Variants in EFR3A observed in about 807,000 individuals in gnomAD.
EFR3A encodes protein EFR3 homolog A.
In EFR3A, 76 loss-of-function variants were observed where a neutral mutation model predicts 104.4. The observed-to-expected ratio is 0.73, with a 90% CI of 0.60 to 0.88. EFR3A has a LOEUF of 0.88. EFR3A is among the 40% of genes least tolerant of loss of function. The pLI is 0.00. For synonymous variants in EFR3A, 330 were observed against 330.0 expected (o/e 1.00, Z 0.00); for missense variants, 985 against 1,012.5 (o/e 0.97, Z 0.37).
chr8:131,984,823 T>A, intron 15 of EFR3A, 106 bp from the exon 16 acceptor site: 1 of 1,086,448 alleles, frequency 9.2e-7, no homozygotes, highest in Non-Finnish European at 1.3e-6. Flanking sequence ...TAAAGTGGCA[T>A]TTTTGTTAGC....
chr8:131,911,029 A>G (rs566921418), intron 1 of EFR3A, among the ~76,000 whole-genome samples: 1 of 152,302 alleles, frequency 6.6e-6, no homozygotes, highest in East Asian at 1.9e-4. Context: ...TTTTTGCTAA[A>G]TTAACCCTTT....
intron 22 of EFR3A, among the ~76,000 whole-genome samples, chr8:132,010,245 T>TAC (rs753181910): frequency 1.7e-3 from 261 of 151,644 alleles, no homozygotes; most frequent in Non-Finnish European, 3.1e-3. Flanking sequence ...ACATTTTGAG[T>TAC]ACACTTTGAT....
At chr8:131,991,096 C>A (rs561950241) in intron 18 of EFR3A, among the ~76,000 whole-genome samples, 1 of 152,190 alleles carries the variant, frequency 6.6e-6, no homozygotes, top group African/African-American at 2.4e-5. Context: ...TGGGGAAGGT[C>A]TCACAATCAT....
At chr8:131,932,082 C>A (rs1332779033) in intron 1 of EFR3A, among the ~76,000 whole-genome samples, 1 of 152,022 alleles carries the variant, frequency 6.6e-6, no homozygotes, top group Non-Finnish European at 1.5e-5. Context: ...AAGTTGAGTT[C>A]TTGCCTTCAC....
chr8:131,990,728 T>C (rs1821135893), intron 18 of EFR3A, among the ~76,000 whole-genome samples: 1 of 152,008 alleles, frequency 6.6e-6, no homozygotes, highest in Non-Finnish European at 1.5e-5. Context: ...TTAGGAGAAA[T>C]GACAGTGGCC....
intron 4 of EFR3A, among the ~76,000 whole-genome samples, chr8:131,948,028 G>T (rs967923045): frequency 1.3e-5 from 2 of 151,984 alleles, no homozygotes; most frequent in Non-Finnish European, 2.9e-5. Flanking sequence ...TAGTTTCATT[G>T]TATCACCTTC....
chr8:131,949,862 T>A (rs1366204998), intron 4 of EFR3A, 107 bp from the exon 5 acceptor site: 5 of 1,028,672 alleles, frequency 4.9e-6, no homozygotes, highest in Non-Finnish European at 6.9e-6. Context: ...GTTTTGTTTG[T>A]TACTTATTTT....
intron 14 of EFR3A, among the ~76,000 whole-genome samples, chr8:131,980,446 C>G (rs1323054600): frequency 6.6e-6 from 1 of 152,054 alleles, no homozygotes; most frequent in Non-Finnish European, 1.5e-5. Flanking sequence ...ATTAATTCCT[C>G]TCAATTTTTA....
At chr8:131,941,882 T>G (rs1349042015) in intron 2 of EFR3A, among the ~76,000 whole-genome samples, 1 of 152,104 alleles carries the variant, frequency 6.6e-6, no homozygotes, top group Non-Finnish European at 1.5e-5. Flanking sequence ...GAGCAAGTTA[T>G]CCATCAGACT....
intron 1 of EFR3A, among the ~76,000 whole-genome samples, chr8:131,926,916 T>G (rs1817327807): frequency 6.6e-6 from 1 of 152,204 alleles, no homozygotes; most frequent in Non-Finnish European, 1.5e-5. Context: ...AATATTTTAG[T>G]CTAATATATT....
rs956759880 is a variant in EFR3A at position 131,919,544 on chromosome 8, T to C, written c.10+15222T>C. ...TCAGGAGGCGGAGCTTGCAGTGAGC[T>C]GAGATTGCGCCACTGCACTCCAGCC... On this transcript the variant is annotated intron_variant, in intron 1 of 22. Transcript: ENST00000254624. 2.2e-5 allele frequency among the ~76,000 whole-genome samples: 3 copies of C among 138,880 alleles called. No homozygotes were observed. The East Asian group carries it at 6.2e-4, about 29-fold the overall frequency. 91.1% of individuals were successfully genotyped at this position (138,880 alleles called of 152,430 possible).
chr8:131,970,290 T>C (rs896614104), intron 9 of EFR3A, among the ~76,000 whole-genome samples, 186 bp from the exon 10 acceptor site: 6 of 152,114 alleles, frequency 3.9e-5, no homozygotes, highest in African/African-American at 1.5e-4. Flanking sequence ...TTTGTTGTTA[T>C]AATGAGTGTC....
chr8:132,002,529 C>A, intron 20 of EFR3A, 74 bp from the exon 21 acceptor site: 1 of 1,256,452 alleles, frequency 8.0e-7, no homozygotes, highest in South Asian at 1.4e-5. Flanking sequence ...ATATCATTAA[C>A]TCTTAACGGT....
chr8:131,977,970 T>G (rs1381256247), intron 12 of EFR3A, among the ~76,000 whole-genome samples: 1 of 152,184 alleles, frequency 6.6e-6, no homozygotes, highest in Admixed American at 6.5e-5. Flanking sequence ...TTTAGAACTT[T>G]AATCTGAAGT....
chr8:131,926,815 A>G (rs183961943), intron 1 of EFR3A, among the ~76,000 whole-genome samples: 3 of 152,140 alleles, frequency 2.0e-5, no homozygotes, highest in Admixed American at 6.5e-5. Context: ...TAAACTTTCT[A>G]TGTACTTTAA....
intron 21 of EFR3A, 68 bp downstream of exon 21, chr8:132,002,774 T>C: frequency 1.6e-6 from 2 of 1,281,278 alleles, no homozygotes; most frequent in Non-Finnish European, 2.2e-6. Context: ...CCTTGGTGAT[T>C]AGTTGATAAG....
rs187771114 is a variant in EFR3A at position 131,962,542 on chromosome 8, G to A, written c.855+2879G>A. Among the ~76,000 whole-genome samples the A allele has an allele frequency of 1.1e-3, 168 of 152,282 alleles. No individual in the cohort carries two copies. In the Middle Eastern group the frequency reaches 0.014, roughly 12 times the overall value. On this transcript the variant is annotated intron_variant, in intron 8 of 22. Coordinates refer to ENST00000254624, the MANE Select transcript of EFR3A (RefSeq NM_015137.6). ...AAATATATATGCACCCAATACAGGA[G>A]CACCCAGATTCATAAAGCAAGTCGT...
chr8:131,954,264 C>A (rs1294798926), intron 6 of EFR3A, among the ~76,000 whole-genome samples: 17 of 152,016 alleles, frequency 1.1e-4, no homozygotes, highest in Non-Finnish European at 2.4e-4. Context: ...ATGGATACTA[C>A]TTAAAGTTGC....
chr8:131,997,996 C>T (rs894209879), intron 19 of EFR3A, among the ~76,000 whole-genome samples: 1 of 152,136 alleles, frequency 6.6e-6, no homozygotes, highest in South Asian at 2.1e-4. Flanking sequence ...TTAACTTTTA[C>T]AAGATCCTGT....
Sources: allele counts gnomAD v4.1 joint callset (sites outside exome capture counted in the v4.1 genomes callset), GRCh38; gene constraint gnomAD v4.1.1; transcripts MANE v1.5; gene names NCBI Gene and HGNC (gene_info 2026-07-23, HGNC 2026-07-21).